Variants in PLCE1 observed in about 807,000 individuals in gnomAD.
PLCE1 encodes 1-phosphatidylinositol 4,5-bisphosphate phosphodiesterase epsilon-1.
PLCE1 carries 119 observed loss-of-function variants against 242.8 expected under a neutral mutation model. The ratio of observed to expected loss-of-function variants is 0.49; its 90% CI spans 0.42 to 0.57. PLCE1 has a LOEUF of 0.57. Among genes scored for constraint, PLCE1 ranks in the 20% least tolerant of loss-of-function variants. PLCE1 has a pLI of 0.00. For synonymous variants in PLCE1, 945 were observed against 1,017.4 expected, an observed-to-expected ratio of 0.93 and a Z score of 1.35; for missense variants, 2,441 against 2,788.8, an observed-to-expected ratio of 0.88 and a Z score of 2.81.
intron 28 of PLCE1, among the ~76,000 whole-genome samples, chr10:94,314,053 T>A (rs2053483099): frequency 6.6e-6 from 1 of 152,074 alleles, no homozygotes; most frequent in Non-Finnish European, 1.5e-5. Flanking sequence ...CTGTGCCACC[T>A]CCGCCCTAGA....
chr10:94,038,251 GT>G lies in PLCE1; in HGVS notation c.1206+6000del, dbSNP rs1381381369. Among the ~76,000 whole-genome samples, 3 of 152,222 alleles carry G rather than the reference GT, an allele frequency of 2.0e-5. No individual in the cohort carries two copies. The East Asian group carries it at 5.8e-4, about 29-fold the overall frequency. ...CAGCATTCAAGGATTTGAAGCATCA[GT>G]GGGGGGAGGTGCACCCACTGACCCC... On this transcript the variant is annotated intron_variant, in intron 2 of 32. Coordinates refer to ENST00000371380, the MANE Select transcript of PLCE1 (RefSeq NM_016341.4).
At chr10:94,038,683 T>A (rs1460442051) in intron 2 of PLCE1, among the ~76,000 whole-genome samples, 2 of 152,148 alleles carry the variant, frequency 1.3e-5, no homozygotes, top group Non-Finnish European at 2.9e-5. Flanking sequence ...GGAGGAGAAA[T>A]GCTTTGGTGT....
intron 13 of PLCE1, among the ~76,000 whole-genome samples, chr10:94,261,792 TAA>T (rs994127420): frequency 6.6e-6 from 1 of 152,138 alleles, no homozygotes; most frequent in African/African-American, 2.4e-5. Flanking sequence ...TATATTCACA[TAA>T]AAATCTGTAA....
At chr10:94,136,857 G>T (rs998842635) in intron 3 of PLCE1, among the ~76,000 whole-genome samples, 2 of 152,108 alleles carry the variant, frequency 1.3e-5, no homozygotes, top group African/African-American at 4.8e-5. Context: ...AAAATAGAGC[G>T]CCTTTACCTT....
intron 1 of PLCE1, among the ~76,000 whole-genome samples, chr10:93,996,109 C>T (rs1249542993): frequency 8.8e-6 from 1 of 113,064 alleles, no homozygotes. Context: ...GTGAGGCTTG[C>T]TGCACGTGTG....
chr10:94,327,450 C>G (rs1176339365), intron 32 of PLCE1, among the ~76,000 whole-genome samples: 2 of 149,966 alleles, frequency 1.3e-5, no homozygotes, highest in Non-Finnish European at 3.0e-5. Context: ...ATAAAAATTC[C>G]TGTAGTCCCA....
At chr10:94,235,884 G>A (rs1367953235) in intron 6 of PLCE1, 31 bp from the exon 7 acceptor site, 4 of 1,580,944 alleles carry the variant, frequency 2.5e-6, no homozygotes, top group Non-Finnish European at 2.6e-6. Context: ...ATATTAAGTT[G>A]CAATAGCAAA....
chr10:94,005,927 T>C (rs1413448399), intron 1 of PLCE1, among the ~76,000 whole-genome samples: 2 of 152,202 alleles, frequency 1.3e-5, no homozygotes, highest in East Asian at 3.8e-4. Flanking sequence ...TCATTTCTCT[T>C]ATTTCCAGCC....
chr10:94,254,739 G>T (rs962096513), intron 10 of PLCE1, among the ~76,000 whole-genome samples, 154 bp from the exon 11 acceptor site: 3 of 152,142 alleles, frequency 2.0e-5, no homozygotes, highest in African/African-American at 7.2e-5. Flanking sequence ...CACCAGATTA[G>T]CCCATTCATA....
intron 1 of PLCE1, among the ~76,000 whole-genome samples, chr10:94,021,236 T>C (rs893558159): frequency 1.3e-5 from 2 of 151,648 alleles, no homozygotes; most frequent in East Asian, 1.9e-4. Flanking sequence ...TAATGGTTTT[T>C]TTTTTTTTTT....
intron 3 of PLCE1, among the ~76,000 whole-genome samples, chr10:94,165,767 G>T (rs2047782557): frequency 6.6e-6 from 1 of 151,892 alleles, no homozygotes; most frequent in Admixed American, 6.6e-5. Context: ...GAATGCAGTG[G>T]TGCCATCTCA....
At chr10:93,995,466 G>C (rs2060803232) in intron 1 of PLCE1, among the ~76,000 whole-genome samples, 1 of 152,052 alleles carries the variant, frequency 6.6e-6, no homozygotes, top group Non-Finnish European at 1.5e-5. Context: ...CTACCTTCTG[G>C]GAGTTATTTA....
chr10:94,210,119 G>GT (rs548695390), intron 4 of PLCE1, among the ~76,000 whole-genome samples: 1 of 150,186 alleles, frequency 6.7e-6, no homozygotes, highest in Non-Finnish European at 1.5e-5. Context: ...TTCGTTTGGT[G>GT]TTTTTTTGTT....
intron 4 of PLCE1, among the ~76,000 whole-genome samples, chr10:94,190,052 A>G (rs528923023): frequency 5.5e-4 from 84 of 152,178 alleles, no homozygotes; most frequent in South Asian, 8.3e-4. Context: ...TATAATCCCA[A>G]TGGGTGGACT....
At chr10:94,144,970 G>C (rs922383949) in intron 3 of PLCE1, among the ~76,000 whole-genome samples, 3 of 152,186 alleles carry the variant, frequency 2.0e-5, no homozygotes, top group African/African-American at 4.8e-5. Flanking sequence ...GATAACATAG[G>C]CTCTTGTTAA....
At chr10:94,036,282 T>C (rs898201651) in intron 2 of PLCE1, among the ~76,000 whole-genome samples, 1 of 152,194 alleles carries the variant, frequency 6.6e-6, no homozygotes, top group African/African-American at 2.4e-5. Context: ...CACCACCTTC[T>C]GCTGTGTGTC....
intron 13 of PLCE1, among the ~76,000 whole-genome samples, chr10:94,261,103 A>G (rs1281511165): frequency 2.6e-5 from 4 of 152,076 alleles, no homozygotes; most frequent in Non-Finnish European, 5.9e-5. Flanking sequence ...ATCATACAGG[A>G]CAGTTTCACT....
intron 2 of PLCE1, among the ~76,000 whole-genome samples, chr10:94,073,504 A>G (rs1489417340): frequency 1.3e-5 from 2 of 152,200 alleles, no homozygotes; most frequent in Non-Finnish European, 2.9e-5. Flanking sequence ...AAGATACGGA[A>G]GCAGAATTGA....
chr10:94,036,889 G>A (rs1005907320), intron 2 of PLCE1, among the ~76,000 whole-genome samples: 9 of 152,054 alleles, frequency 5.9e-5, no homozygotes, highest in African/African-American at 1.9e-4. Context: ...ACTGGCTCCT[G>A]TATTATCACT....
Sources: gnomAD v4.1 joint callset for allele counts (sites outside exome capture counted in the v4.1 genomes callset) on GRCh38, gnomAD v4.1.1 for gene constraint, MANE v1.5 for transcripts, NCBI Gene and HGNC (gene_info 2026-07-23, HGNC 2026-07-21) for gene names.